Variants in CNTNAP2 observed in about 807,000 individuals in gnomAD.
CNTNAP2 encodes the protein contactin-associated protein-like 2.
CNTNAP2 carries 98 observed loss-of-function variants against 155.2 expected under a neutral mutation model. The observed-to-expected ratio is 0.63, with a 90% confidence interval of 0.54 to 0.75. CNTNAP2 has a LOEUF of 0.75. CNTNAP2 is among the 30% of genes least tolerant of loss of function. CNTNAP2 has a pLI of 0.00. For synonymous variants in CNTNAP2, 651 were observed against 631.2 expected (o/e 1.03, Z -0.47); for missense variants, 1,727 against 1,688.1 (o/e 1.02, Z -0.40).
chr7:146,779,553 T>C (rs1031127863), intron 2 of CNTNAP2, among the ~76,000 whole-genome samples: 5 of 152,232 alleles, frequency 3.3e-5, no homozygotes, highest in African/African-American at 1.2e-4. Context: ...TTTATGCTGT[T>C]ATAGCCAGAG....
intron 8 of CNTNAP2, among the ~76,000 whole-genome samples, chr7:147,281,047 G>A (rs992665688): frequency 1.3e-5 from 2 of 151,784 alleles, no homozygotes; most frequent in African/African-American, 4.8e-5. Flanking sequence ...TTTGAATCTC[G>A]ATTTAATCAT....
chr7:146,472,977 A>G (rs977952009), intron 1 of CNTNAP2, among the ~76,000 whole-genome samples: 6 of 150,740 alleles, frequency 4.0e-5, no homozygotes, highest in Non-Finnish European at 7.4e-5. Flanking sequence ...GCTTAACATC[A>G]TTTGCAGAAT....
intron 3 of CNTNAP2, among the ~76,000 whole-genome samples, chr7:147,033,188 A>G (rs868541506): frequency 2.6e-4 from 26 of 99,294 alleles, no homozygotes; most frequent in Middle Eastern, 5.9e-3. Flanking sequence ...ATATATATAT[A>G]TATATATATA....
Position 147,639,127 on chromosome 7 carries a change from T to C in CNTNAP2, c.1919T>C (p.Val640Ala), listed in dbSNP as rs1795234495. The change falls in exon 13 of 24, where the codon GTG (valine) becomes GCG (alanine). Residue 640 changes from valine (V) to alanine (A), a missense_variant. Transcript: ENST00000361727. Reference protein sequence around the residue: ...NMTEDKVWTIVSHDLQMQTPV... With the variant: ...NMTEDKVWTIASHDLQMQTPV... Reference sequence around the variant, plus strand: ...ACAGAGGACAAAGTGTGGACCATAGTGTCTCATGACTTGCAGATGCAGACG... The same window carrying C: ...ACAGAGGACAAAGTGTGGACCATAGCGTCTCATGACTTGCAGATGCAGACG... 6.2e-7 allele frequency: 1 copy of C among 1,614,008 alleles called. No homozygotes were observed. The highest frequency in any genetic ancestry group is 8.5e-7 in the Non-Finnish European group (1 of 1,180,008).
chr7:148,364,119 G>C (rs984232239), intron 21 of CNTNAP2, among the ~76,000 whole-genome samples: 17 of 152,162 alleles, frequency 1.1e-4, no homozygotes, highest in Admixed American at 2.6e-4. Flanking sequence ...TGTGCGGCCC[G>C]AGCCTCCCCG....
chr7:146,197,169 G>T (rs185736351), intron 1 of CNTNAP2, among the ~76,000 whole-genome samples: 1 of 151,912 alleles, frequency 6.6e-6, no homozygotes, highest in African/African-American at 2.4e-5. Flanking sequence ...ATTTTTTTAC[G>T]TTGTAAAGGC....
chr7:147,266,518 T>A (rs1461763677), intron 8 of CNTNAP2, among the ~76,000 whole-genome samples: 2 of 152,222 alleles, frequency 1.3e-5, no homozygotes, highest in African/African-American at 4.8e-5. Flanking sequence ...AGTATCTGGA[T>A]GGTCTGAGAC....
At position 147,473,936 on chromosome 7, in the gene CNTNAP2, G is replaced by A. The variant is rs372167103; in HGVS notation, c.1671-11999G>A. ...CTCTACTAAAAATTCAAAATCAGCC[G>A]GGCGTGGTGGCACATGCCTGTAATC... On this transcript the variant is annotated intron_variant, in intron 10 of 23. Coordinates refer to ENST00000361727, the MANE Select transcript of CNTNAP2 (RefSeq NM_014141.6). Among the ~76,000 whole-genome samples the A allele has an allele frequency of 5.9e-5, 9 of 151,932 alleles. No homozygotes were observed. In the South Asian group the frequency reaches 6.2e-4, roughly 11 times the overall value.
At chr7:146,842,980 C>A (rs540331269) in intron 3 of CNTNAP2, among the ~76,000 whole-genome samples, 9 of 138,436 alleles carry the variant, frequency 6.5e-5, no homozygotes, top group African/African-American at 2.4e-4. Context: ...CCACCACGCC[C>A]GGCCTGTCCC....
chr7:146,859,963 A>G (rs1795067126), intron 3 of CNTNAP2, among the ~76,000 whole-genome samples: 2 of 152,180 alleles, frequency 1.3e-5, no homozygotes, highest in East Asian at 3.9e-4. Context: ...TGGGGGAGGA[A>G]GAGGATCAAT....
chr7:146,695,906 G>T (rs1800774321), intron 1 of CNTNAP2, among the ~76,000 whole-genome samples: 1 of 151,968 alleles, frequency 6.6e-6, no homozygotes, highest in African/African-American at 2.4e-5. Context: ...ACTTAGTCAT[G>T]GTGTATAATT....
intron 21 of CNTNAP2, among the ~76,000 whole-genome samples, chr7:148,296,506 G>GCTGCA (rs1453059064): frequency 1.6e-5 from 2 of 125,060 alleles, no homozygotes; most frequent in Admixed American, 1.0e-4. Flanking sequence ...AGATCACGCT[G>GCTGCA]CTGCACTTCA....
chr7:146,876,006 G>C (rs1255440761), intron 3 of CNTNAP2, among the ~76,000 whole-genome samples: 1 of 150,722 alleles, frequency 6.6e-6, no homozygotes, highest in East Asian at 1.9e-4. Context: ...ATCTTTTTGG[G>C]GGCAGGAGTT....
chr7:146,630,759 C>G (rs562144997), intron 1 of CNTNAP2, among the ~76,000 whole-genome samples: 1 of 151,924 alleles, frequency 6.6e-6, no homozygotes, highest in African/African-American at 2.4e-5. Flanking sequence ...ACAAGCATTC[C>G]CATGTACCAA....
At chr7:146,548,156 C>T (rs1798058186) in intron 1 of CNTNAP2, among the ~76,000 whole-genome samples, 1 of 151,886 alleles carries the variant, frequency 6.6e-6, no homozygotes, top group African/African-American at 2.4e-5. Flanking sequence ...TGTGTTATTT[C>T]CCTCTATGTG....
At chr7:146,828,134 TC>T (rs1803442340) in intron 2 of CNTNAP2, among the ~76,000 whole-genome samples, 1 of 152,020 alleles carries the variant, frequency 6.6e-6, no homozygotes, top group Non-Finnish European at 1.5e-5. Context: ...ATAGACGTGC[TC>T]TACAAATATT....
intron 4 of CNTNAP2, among the ~76,000 whole-genome samples, chr7:147,075,096 C>T (rs1799969957): frequency 6.6e-6 from 1 of 152,098 alleles, no homozygotes; most frequent in Non-Finnish European, 1.5e-5. Context: ...CAAAAGGACC[C>T]TTCACAGTTA....
intron 22 of CNTNAP2, among the ~76,000 whole-genome samples, chr7:148,406,096 T>G (rs948753589): frequency 2.0e-5 from 3 of 151,540 alleles, no homozygotes; most frequent in Non-Finnish European, 4.4e-5. Flanking sequence ...GCCGGGCATG[T>G]TGGCGGGCGC....
chr7:147,207,733 T>C (rs1803051422), intron 8 of CNTNAP2, among the ~76,000 whole-genome samples: 2 of 152,296 alleles, frequency 1.3e-5, no homozygotes, highest in South Asian at 4.1e-4. Context: ...TATTGTCATG[T>C]ATTCTAGTTG....
Sources: allele counts gnomAD v4.1 joint callset (sites outside exome capture counted in the v4.1 genomes callset), GRCh38; gene constraint gnomAD v4.1.1; transcripts MANE v1.5; gene names NCBI Gene and HGNC (gene_info 2026-07-23, HGNC 2026-07-21).